Variants in CNR2 observed in about 807,000 individuals in gnomAD.
CNR2 encodes cannabinoid receptor 2, also known as cannabinoid receptor 2 (macrophage).
For missense variants in CNR2, 379 were observed against 439.9 expected (o/e 0.86, Z 1.24); for synonymous variants, 172 against 182.2 (o/e 0.94, Z 0.45).
At chr1:23,910,474 C>A (rs1342970968) in intron 1 of CNR2, among the ~76,000 whole-genome samples, 3 of 151,220 alleles carry the variant, frequency 2.0e-5, no homozygotes, top group African/African-American at 7.3e-5. Context: ...GGCCAACATG[C>A]AGAAACCCCA....
At chr1:23,894,186 C>T (rs1206478609) in intron 1 of CNR2, among the ~76,000 whole-genome samples, 3 of 150,564 alleles carry the variant, frequency 2.0e-5, no homozygotes, top group Admixed American at 1.3e-4. Context: ...TTTGGGAGGC[C>T]GAGGTGGGTG....
intron 1 of CNR2, among the ~76,000 whole-genome samples, chr1:23,878,962 G>A (rs1406096474): frequency 6.6e-6 from 1 of 152,164 alleles, no homozygotes; most frequent in Non-Finnish European, 1.5e-5. Flanking sequence ...GACTTTCACT[G>A]AAGGAACATC....
At chr1:23,894,493 GA>G (rs1640244499) in intron 1 of CNR2, among the ~76,000 whole-genome samples, 2 of 144,794 alleles carry the variant, frequency 1.4e-5, no homozygotes, top group African/African-American at 5.1e-5. Context: ...AGCTAGGAAG[GA>G]AGGAAGGAAG....
chr1:23,902,267 G>A, intron 1 of CNR2: 1 of 1,407,044 alleles, frequency 7.1e-7, no homozygotes, highest in Non-Finnish European at 9.7e-7. Flanking sequence ...TCTCACAGAA[G>A]CCTTGGGACC....
intron 1 of CNR2, among the ~76,000 whole-genome samples, chr1:23,893,313 T>C (rs114731393): frequency 3.6e-4 from 55 of 152,296 alleles, no homozygotes; most frequent in African/African-American, 1.3e-3. Flanking sequence ...GAGGCCTCTT[T>C]CCACTTTAGT....
intron 1 of CNR2, among the ~76,000 whole-genome samples, chr1:23,880,185 CT>C (rs142971648): frequency 7.8e-6 from 1 of 128,750 alleles, no homozygotes. Flanking sequence ...ACTTCCAACT[CT>C]TTTTTTTTTG....
chr1:23,886,395 A>G (rs1260332927), intron 1 of CNR2, among the ~76,000 whole-genome samples: 1 of 152,180 alleles, frequency 6.6e-6, no homozygotes, highest in African/African-American at 2.4e-5. Flanking sequence ...ATCTGTCGAA[A>G]GGGAAGACAG....
intron 1 of CNR2, chr1:23,907,018 T>C (rs987371375): frequency 6.6e-6 from 1 of 152,074 alleles, no homozygotes; most frequent in Non-Finnish European, 1.5e-5. Flanking sequence ...TCTCTCTTCT[T>C]ACCAACCTTT....
Position 23,874,625 on chromosome 1 carries a change from T to C in CNR2, c.993A>G (p.Glu331=), listed in dbSNP as rs187686608. The change falls in exon 2 of 2, where the codon GAA becomes GAG. Residue 331 remains glutamate (E), a synonymous_variant. Transcript: ENST00000374472. ...VRGLGSEAKE[E]APRSSVTETE... ...TCTCGGTGACTGAGGATCTCGGGGCTTCTTCTTTTGCCTCTGACCCAAGGC... is the reference window on the plus strand; with the variant it reads ...TCTCGGTGACTGAGGATCTCGGGGCCTCTTCTTTTGCCTCTGACCCAAGGC... 1.2e-6 allele frequency: 2 copies of C among 1,614,156 alleles called. No homozygotes were observed. The highest frequency in any genetic ancestry group is 1.1e-5 in the South Asian group (1 of 91,072).
chr1:23,886,897 T>A (rs1283418262), intron 1 of CNR2, among the ~76,000 whole-genome samples: 2 of 13,638 alleles, frequency 1.5e-4, no homozygotes, highest in South Asian at 3.0e-3. Context: ...GGTTTTTTTG[T>A]TTTTTTTGTT....
At chr1:23,892,729 T>A (rs1276316685) in intron 1 of CNR2, among the ~76,000 whole-genome samples, 1 of 152,184 alleles carries the variant, frequency 6.6e-6, no homozygotes, top group Non-Finnish European at 1.5e-5. Flanking sequence ...AAGGAAAGAA[T>A]GTGTAGGCTG....
chr1:23,899,885 G>A (rs1244394874), intron 1 of CNR2, among the ~76,000 whole-genome samples: 2 of 1,300 alleles, frequency 1.5e-3, no homozygotes, highest in Non-Finnish European at 0.023. Context: ...GAGAGAGAAA[G>A]AAAGAAAGAG....
At chr1:23,909,141 G>T (rs997515594) in intron 1 of CNR2, among the ~76,000 whole-genome samples, 4 of 151,976 alleles carry the variant, frequency 2.6e-5, no homozygotes, top group African/African-American at 7.3e-5. Context: ...TCACTCCCTC[G>T]CCTGCTGGGG....
intron 1 of CNR2, among the ~76,000 whole-genome samples, chr1:23,882,988 G>A (rs1640019189): frequency 6.6e-6 from 1 of 151,984 alleles, no homozygotes; most frequent in Admixed American, 6.6e-5. Flanking sequence ...ATAGGGAAGA[G>A]AAAGAACTGA....
At chr1:23,897,516 C>A (rs1159571031) in intron 1 of CNR2, among the ~76,000 whole-genome samples, 3 of 149,520 alleles carry the variant, frequency 2.0e-5, no homozygotes, top group African/African-American at 7.6e-5. Context: ...AGTCTGTCAC[C>A]CAAGCTGGAG....
chr1:23,880,340 G>GCTAAGTTT (rs1639959033), intron 1 of CNR2, among the ~76,000 whole-genome samples: 1 of 151,974 alleles, frequency 6.6e-6, no homozygotes, highest in Non-Finnish European at 1.5e-5. Flanking sequence ...ACCATGCCCG[G>GCTAAGTTT]CTAAGTTTTC....
Position 23,875,002 on chromosome 1 carries a change from T to C in CNR2, c.616A>G (p.Ile206Val). Residue 206 changes from isoleucine to valine, a missense_variant, in exon 2 of 2, where the codon ATC becomes GTC. Transcript: ENST00000374472. ...CAGAGAACATGCCCATAGGTGTAGATGATTCCGGAAAAGAGGAAGGCGATG... is the reference window on the plus strand; with the variant it reads ...CAGAGAACATGCCCATAGGTGTAGACGATTCCGGAAAAGAGGAAGGCGATG... ...LFIAFLFSGI[I>V]YTYGHVLWKA... is the part of the protein sequence containing the mutation. 6.2e-7 allele frequency: 1 copy of C among 1,609,722 alleles called. No homozygotes were observed. Among genetic ancestry groups the C allele is most frequent in the Non-Finnish European group, 8.5e-7 (1 of 1,178,004 alleles).
At chr1:23,907,421 A>G (rs1252305400) in intron 1 of CNR2, among the ~76,000 whole-genome samples, 1 of 151,808 alleles carries the variant, frequency 6.6e-6, no homozygotes, top group Non-Finnish European at 1.5e-5. Flanking sequence ...AAAAAAAAAA[A>G]AAAAACAAGA....
At chr1:23,887,989 G>A (rs1250136304) in intron 1 of CNR2, among the ~76,000 whole-genome samples, 1 of 152,140 alleles carries the variant, frequency 6.6e-6, no homozygotes, top group African/African-American at 2.4e-5. Context: ...ATAAGCATAA[G>A]CTGCAAACCA....
Sources: gnomAD v4.1 joint callset for allele counts (sites outside exome capture counted in the v4.1 genomes callset) on GRCh38, gnomAD v4.1.1 for gene constraint, MANE v1.5 for transcripts, NCBI Gene and HGNC (gene_info 2026-07-23, HGNC 2026-07-21) for gene names.